Variants in KLRF1 observed in about 807,000 individuals in gnomAD.
KLRF1 encodes the protein killer cell lectin like receptor F1.
A neutral mutation model predicts 30.7 loss-of-function variants in KLRF1; 27 were observed. The observed-to-expected ratio is 0.88, with a 90% CI of 0.65 to 1.21. The LOEUF is 1.21. Ranked by LOEUF, KLRF1 falls within the 50% of genes most tolerant of loss-of-function variation. KLRF1 has a pLI of 0.00. For synonymous variants in KLRF1, 92 were observed against 89.3 expected, an observed-to-expected ratio of 1.03 and a Z score of -0.17; for missense variants, 246 against 259.3, an observed-to-expected ratio of 0.95 and a Z score of 0.35.
At chr12:9,802,930 A>G in the KLRF1 span, among the ~76,000 whole-genome samples, 2 of 152,114 alleles carry the variant, frequency 1.3e-5, no homozygotes, top group East Asian at 3.9e-4. Flanking sequence ...AAACTACCAC[A>G]GACATTCTTC....
chr12:9,818,608 C>G, the KLRF1 span, among the ~76,000 whole-genome samples: 1 of 152,146 alleles, frequency 6.6e-6, no homozygotes, highest in African/African-American at 2.4e-5. Flanking sequence ...AGCATCTAGT[C>G]CAAGATTAAA....
the KLRF1 span, among the ~76,000 whole-genome samples, chr12:9,804,014 T>C: frequency 6.6e-6 from 1 of 151,798 alleles, no homozygotes; most frequent in Non-Finnish European, 1.5e-5. Context: ...TGCCAAACTG[T>C]TTACCAAAGT....
the KLRF1 span, among the ~76,000 whole-genome samples, chr12:9,803,279 C>T: frequency 8.9e-4 from 136 of 152,128 alleles, no homozygotes; most frequent in African/African-American, 3.2e-3. Context: ...AGAATCTGGA[C>T]CTCTTCGTTG....
upstream of KLRF1, among the ~76,000 whole-genome samples, chr12:9,824,124 G>C (rs1389103561): frequency 1.3e-5 from 2 of 152,042 alleles, no homozygotes; most frequent in African/African-American, 4.8e-5. Flanking sequence ...CATTCTATGA[G>C]GCCAACATCA....
intron 1 of KLRF1, among the ~76,000 whole-genome samples, chr12:9,830,704 A>G (rs1170554516): frequency 1.3e-5 from 2 of 151,800 alleles, no homozygotes; most frequent in Non-Finnish European, 2.9e-5. Flanking sequence ...CTATTGAATA[A>G]TCTTTATATT....
the KLRF1 span, among the ~76,000 whole-genome samples, chr12:9,806,162 C>G: frequency 1.3e-5 from 2 of 151,970 alleles, no homozygotes; most frequent in African/African-American, 4.8e-5. Context: ...AATAGTATAG[C>G]ATTGTAGGTG....
At chr12:9,811,056 T>A in the KLRF1 span, among the ~76,000 whole-genome samples, 1 of 151,850 alleles carries the variant, frequency 6.6e-6, no homozygotes, top group Non-Finnish European at 1.5e-5. Context: ...GTGGGCCGGA[T>A]GAAGATCTCA....
the KLRF1 span, among the ~76,000 whole-genome samples, chr12:9,809,872 T>C: frequency 6.6e-6 from 1 of 152,186 alleles, no homozygotes; most frequent in African/African-American, 2.4e-5. Context: ...AAATATTGAC[T>C]GTGCCTATGG....
chr12:9,827,695 C>G, intron 1 of KLRF1, 66 bp downstream of exon 1: 1 of 887,258 alleles, frequency 1.1e-6, no homozygotes, highest in South Asian at 1.5e-5. Flanking sequence ...GTATCCTGTT[C>G]CATTGTGTTA....
chr12:9,817,528 G>A, the KLRF1 span: 39,111 of 368,714 alleles, frequency 0.11, 2,319 homozygotes, highest in Non-Finnish European at 0.13. Context: ...TCAAGGTCAA[G>A]CAAGAAACAT....
chr12:9,814,574 C>T, the KLRF1 span, among the ~76,000 whole-genome samples: 1 of 152,110 alleles, frequency 6.6e-6, no homozygotes, highest in African/African-American at 2.4e-5. Flanking sequence ...GGAGGCCTGA[C>T]TGAAGACCCA....
chr12:9,844,392 C>A, intron 5 of KLRF1, 26 bp from the exon 6 acceptor site: 1 of 1,192,530 alleles, frequency 8.4e-7, no homozygotes, highest in Non-Finnish European at 1.2e-6. Flanking sequence ...CAGTGATTAA[C>A]AAAGTATTTA....
At chr12:9,835,541 G>A (rs753031930) in intron 3 of KLRF1, among the ~76,000 whole-genome samples, 16 of 152,190 alleles carry the variant, frequency 1.1e-4, no homozygotes, top group Non-Finnish European at 2.1e-4. Context: ...GAAGGTAGCC[G>A]AGGATGGAGT....
At chr12:9,817,737 A>T in the KLRF1 span, 1 of 210,446 alleles carries the variant, frequency 4.8e-6, no homozygotes. Flanking sequence ...TCACCCCATG[A>T]TATTTTTTGG....
At chr12:9,802,998 G>A in the KLRF1 span, among the ~76,000 whole-genome samples, 2 of 152,072 alleles carry the variant, frequency 1.3e-5, no homozygotes, top group East Asian at 3.9e-4. Flanking sequence ...AGCCCGTAAA[G>A]CCAAGACAAT....
At chr12:9,832,656 A>AGTGTGTGTGTGT (rs58686028) in intron 2 of KLRF1, among the ~76,000 whole-genome samples, 2 of 146,614 alleles carry the variant, frequency 1.4e-5, no homozygotes, top group Non-Finnish European at 3.0e-5. Context: ...GTATGTGTAG[A>AGTGTGTGTGTGT]GTGTGTGTGT....
the KLRF1 span, among the ~76,000 whole-genome samples, chr12:9,819,458 T>G: frequency 6.6e-6 from 1 of 152,130 alleles, no homozygotes; most frequent in Non-Finnish European, 1.5e-5. Flanking sequence ...CCTTAGCCAT[T>G]GTTGCCAAAA....
the KLRF1 span, among the ~76,000 whole-genome samples, chr12:9,813,064 T>G: frequency 6.6e-6 from 1 of 152,228 alleles, no homozygotes; most frequent in Non-Finnish European, 1.5e-5. Context: ...GGAATATCCT[T>G]GCAGCAAAGT....
At chr12:9,821,996 C>T in the KLRF1 span, among the ~76,000 whole-genome samples, 1 of 152,206 alleles carries the variant, frequency 6.6e-6, no homozygotes, top group Admixed American at 6.5e-5. Context: ...GTGAATACAT[C>T]CAGAAAAGAA....
Sources: gnomAD v4.1 joint callset for allele counts (sites outside exome capture counted in the v4.1 genomes callset) on GRCh38, gnomAD v4.1.1 for gene constraint, MANE v1.5 for transcripts, NCBI Gene and HGNC (gene_info 2026-07-23, HGNC 2026-07-21) for gene names.